MUC5B: variants seen among roughly 807,000 people sequenced by gnomAD.
MUC5B encodes the protein mucin 5B, oligomeric mucus/gel-forming.
In MUC5B, 116 loss-of-function variants were observed where a neutral mutation model predicts 376.9. The observed-to-expected ratio is 0.31, with a 90% CI of 0.26 to 0.36. The LOEUF is 0.36. Ranked by LOEUF, MUC5B falls within the 10% of genes least tolerant of loss-of-function variation. The pLI, the probability that MUC5B is intolerant of heterozygous loss-of-function variation, is 1.00. For synonymous variants in MUC5B, 3,517 were observed against 3,390.9 expected (o/e 1.04, Z -1.29); for missense variants, 7,165 against 7,769.9 (o/e 0.92, Z 2.93).
chr11:1,239,309 T>G, intron 26 of MUC5B, 129 bp from the exon 27 acceptor site: 1 of 1,285,960 alleles, frequency 7.8e-7, no homozygotes, highest in Admixed American at 2.6e-5. Flanking sequence ...GCCGAGGCCC[T>G]GCATGTCTGG....
chr11:1,255,369 G>A lies in MUC5B; in HGVS notation c.15891-14G>A, dbSNP rs751280723. On this transcript the variant is annotated splice_polypyrimidine_tract_variant and intron_variant, in intron 36 of 48. Coordinates refer to ENST00000529681, the MANE Select transcript of MUC5B (RefSeq NM_002458.3). ...GGGCTGGGGGCCCTCCGTCCTGATCGCTTTGCCCCACAGGGTCTTTGCTGA... is the reference window on the plus strand; with the variant it reads ...GGGCTGGGGGCCCTCCGTCCTGATCACTTTGCCCCACAGGGTCTTTGCTGA... 1.3e-5 allele frequency: 20 copies of A among 1,580,916 alleles called. No homozygotes were observed. Among genetic ancestry groups the A allele is most frequent in the Admixed American group, 1.7e-5 (1 of 57,288 alleles).
intron 9 of MUC5B, 54 bp downstream of exon 9, chr11:1,229,349 A>C: frequency 6.8e-7 from 1 of 1,474,284 alleles, no homozygotes; most frequent in Non-Finnish European, 9.0e-7. Flanking sequence ...CCTGCTCCCA[A>C]CCCCGCCCCC....
rs748857802 is a variant in MUC5B, at chr11:1,252,406, A to T, written c.14927A>T (p.His4976Leu). The T allele has an allele frequency of 2.5e-6, 4 of 1,610,776 alleles. No homozygotes were observed. The South Asian group carries it at 4.4e-5, about 18-fold the overall frequency. The change falls in exon 32 of 49, where the codon CAC becomes CTC. Residue 4976 changes from histidine (H) to leucine (L), a missense_variant. His to Leu is a moderately conservative substitution (Grantham distance 99). Transcript: ENST00000529681. ...GCHFYAVCNQHCDIDRFQGAC... is the reference protein window; with the variant it reads ...GCHFYAVCNQLCDIDRFQGAC... ...CATTTCTACGCAGTGTGCAATCAGC[A>T]CTGTGACATTGACCGCTTCCAGGGC...
rs778559090 is a variant in MUC5B, at chr11:1,249,118, C to T, written c.12238C>T (p.Pro4080Ser). 3 of 1,611,238 alleles carry T rather than the reference C, an allele frequency of 1.9e-6. No individual in the cohort carries two copies. Among genetic ancestry groups the T allele is most frequent in the Non-Finnish European group, 2.5e-6 (3 of 1,179,572 alleles). Residue 4080 changes from proline (P) to serine (S), a missense_variant, in exon 31 of 49, where the codon CCT (proline) becomes TCT (serine). By Grantham distance (74) the Pro-to-Ser change is moderately conservative. This residue lies in a region of MUC5B where 85 missense variants were observed against 78.2 expected (regional missense o/e 1.09). Transcript: ENST00000529681. Reference protein sequence around the residue: ...HPSSRTTESPPSPGTTTPGHT... With the variant: ...HPSSRTTESPSSPGTTTPGHT... The stretch of plus-strand genomic sequence containing the variant: ...TAGCAGCAGGACCACCGAGTCACCC[C>T]CTTCCCCAGGGACGACCACCCCGGG...
At chr11:1,227,615 C>G in intron 6 of MUC5B, 60 bp from the exon 7 acceptor site, 3 of 700,122 alleles carry the variant, frequency 4.3e-6, no homozygotes, top group Non-Finnish European at 8.0e-6. Flanking sequence ...GAAGTGGGAG[C>G]CCATATCTTG....
rs1554933965 is a variant in MUC5B at position 1,226,284 on chromosome 11, G to C, written c.199+8G>C. On this transcript the variant is annotated splice_region_variant and intron_variant, in intron 3 of 48. Coordinates refer to ENST00000529681, the MANE Select transcript of MUC5B (RefSeq NM_002458.3). ...TCTTCCCCAGCCTGAGCCGTAAGCAGATGCTGCCCCTGCCAGCCGGGAAGG... is the reference window on the plus strand; with the variant it reads ...TCTTCCCCAGCCTGAGCCGTAAGCACATGCTGCCCCTGCCAGCCGGGAAGG... 1 of 1,552,862 alleles carries C rather than the reference G, an allele frequency of 6.4e-7. No homozygotes were observed. Among genetic ancestry groups the C allele is most frequent in the South Asian group, 1.2e-5 (1 of 84,174 alleles).
In MUC5B at chr11:1,249,219, C is replaced by A. The variant is rs1294809847; in HGVS notation, c.12339C>A (p.Ser4113Arg). The part of the protein sequence containing the change: ...SKTRTSTLLP[S>R]SPTSAPITTV... Reference sequence around the variant, plus strand: ...CCCGCACCTCGACCCTGCTGCCCAGCAGCCCCACATCGGCCCCCATAACCA... The same window carrying A: ...CCCGCACCTCGACCCTGCTGCCCAGAAGCCCCACATCGGCCCCCATAACCA... The change falls in exon 31 of 49, where the codon AGC (serine) becomes AGA (arginine). Residue 4113 changes from serine (S) to arginine (R), a missense_variant. By Grantham distance (110) the Ser-to-Arg change is moderately radical. Transcript: ENST00000529681. 2.5e-6 allele frequency: 4 copies of A among 1,611,526 alleles called. No individual in the cohort carries two copies. In the Admixed American group the frequency reaches 6.7e-5, roughly 27 times the overall value.
rs757543757 is a variant in MUC5B, at chr11:1,239,034, C to T, written c.3454+7C>T. On this transcript the variant is annotated splice_region_variant and intron_variant, in intron 26 of 48. Coordinates refer to ENST00000529681, the MANE Select transcript of MUC5B (RefSeq NM_002458.3). ...CGGACTCCGGACACCTGCCGTGAGT[C>T]GGGCTCTGTCCGTGGTGCTGAAGGG... 28 of 1,571,194 alleles carry T rather than the reference C, an allele frequency of 1.8e-5. No individual in the cohort carries two copies. Among genetic ancestry groups the T allele is most frequent in the East Asian group, 1.2e-4 (5 of 42,714 alleles).
chr11:1,255,502 T>A lies in MUC5B; in HGVS notation c.16010T>A (p.Leu5337His). ...CAGAGCCTGGAGGCTTACGCAGAGC[T>A]CTGCCGCGCCCGGGGAGTGTGCAGT... ...PCQSLEAYAE[L>H]CRARGVCSDW... Residue 5337 changes from leucine to histidine, a missense_variant, in exon 37 of 49, where the codon CTC becomes CAC. Transcript: ENST00000529681. 6.4e-7 allele frequency: 1 copy of A among 1,560,930 alleles called. No homozygotes were observed. Among genetic ancestry groups the A allele is most frequent in the Non-Finnish European group, 8.7e-7 (1 of 1,153,156 alleles).
rs1278614901 is a variant in MUC5B, at chr11:1,226,217, C to T, written c.140C>T (p.Ser47Phe). ...GHTMDGGAPT[S>F]SPTRRVSFVP... is the part of the protein sequence containing the mutation. ...CCTTCACCCACAGGTGCCCCGACGT[C>T]CTCGCCCACCCGGCGCGTGAGCTTT... The change falls in exon 3 of 49, where the codon TCC becomes TTC. Residue 47 changes from serine (S) to phenylalanine (F), a missense_variant. Transcript: ENST00000529681. The T allele has an allele frequency of 4.5e-6, 7 of 1,553,024 alleles. No homozygotes were observed. The highest frequency in any genetic ancestry group is 2.4e-5 in the South Asian group (2 of 84,228).
rs1861911769 is a variant in MUC5B at position 1,227,343 on chromosome 11, T to A, written c.612T>A (p.Cys204Ter). Reference sequence around the variant, plus strand: ...ATCCCAAATACGCCAACCAGACCTGTGGCCTGTGTGGGGACTTCAACGGCC... The same window carrying A: ...ATCCCAAATACGCCAACCAGACCTGAGGCCTGTGTGGGGACTTCAACGGCC... Reference protein sequence around the residue: ...ELDPKYANQTCGLCGDFNGLP... With the variant: ...ELDPKYANQT Residue 204 changes from cysteine (C) to a stop codon, truncating the protein, a stop_gained, in exon 6 of 49, where the codon TGT (cysteine) becomes TGA (stop). Transcript: ENST00000529681. LOFTEE classifies it high-confidence loss of function. The A allele has an allele frequency of 6.2e-7, 1 of 1,612,698 alleles. No individual in the cohort carries two copies. Among genetic ancestry groups the A allele is most frequent in the Admixed American group, 1.7e-5 (1 of 59,966 alleles).
In MUC5B at chr11:1,253,581, C is replaced by T. The variant is rs571064171; in HGVS notation, c.15218-511C>T. On this transcript the variant is annotated intron_variant, in intron 33 of 48. Coordinates refer to ENST00000529681, the MANE Select transcript of MUC5B (RefSeq NM_002458.3). The surrounding 1 kb of genome is among the most constrained non-coding windows in gnomAD (Gnocchi z 4.3). ...GCTTATACAACAGAAACCCACTCTC[C>T]GTCCTGGAGCTGGAAGTCTGAGATC... Among the ~76,000 whole-genome samples, 25 of 152,298 alleles carry T rather than the reference C, an allele frequency of 1.6e-4. No homozygotes were observed. Among genetic ancestry groups the T allele is most frequent in the African/African-American group, 2.9e-4 (12 of 41,574 alleles).
In MUC5B at chr11:1,239,430, T is replaced by C. The variant is rs1481323844; in HGVS notation, c.3455-8T>C. 1 of 1,605,286 alleles carries C rather than the reference T, an allele frequency of 6.2e-7. No individual in the cohort carries two copies. The highest frequency in any genetic ancestry group is 1.3e-5 in the African/African-American group (1 of 74,848). On this transcript the variant is annotated splice_region_variant and splice_polypyrimidine_tract_variant and intron_variant, in intron 26 of 48. Transcript: ENST00000529681. ...GCGCCTCCTTAGCCTCTGCCCTCTG[T>C]GCCCCAGCCTTGTTCTGTGACTTCT...
Position 1,242,868 on chromosome 11 carries a change from A to G in MUC5B, c.5988A>G (p.Ser1996=). 3 of 1,612,050 alleles carry G rather than the reference A, an allele frequency of 1.9e-6. No homozygotes were observed. The highest frequency in any genetic ancestry group is 2.5e-6 in the Non-Finnish European group (3 of 1,179,420). ...TGGGCACCACCTGGACCCGCCTATCACAGACCACCACACCCACGGCCACCA... is the reference window on the plus strand; with the variant it reads ...TGGGCACCACCTGGACCCGCCTATCGCAGACCACCACACCCACGGCCACCA... The part of the protein sequence containing the change: ...SSLGTTWTRL[S]QTTTPTATMS... Residue 1996 remains serine (S), a synonymous_variant, in exon 31 of 49, where the codon TCA becomes TCG. Coordinates refer to ENST00000529681, the MANE Select transcript of MUC5B (RefSeq NM_002458.3).
In MUC5B at chr11:1,242,923, G is replaced by C. The variant is rs759219300; in HGVS notation, c.6043G>C (p.Glu2015Gln). The change falls in exon 31 of 49, where the codon GAG becomes CAG. Residue 2015 changes from glutamate to glutamine, a missense_variant. Glu to Gln is a conservative substitution (Grantham distance 29). This residue lies in a region of MUC5B where 897 missense variants were observed against 779.6 expected (regional missense o/e 1.15). Coordinates refer to ENST00000529681, the MANE Select transcript of MUC5B (RefSeq NM_002458.3). ...CACAGCCACACCCTCCTCCACTCCA[G>C]AGACTGCCCACACCTCCACAGTGCT... ...MSTATPSSTP[E>Q]TAHTSTVLTA... The C allele has an allele frequency of 1.2e-6, 2 of 1,612,444 alleles. No homozygotes were observed. Among genetic ancestry groups the C allele is most frequent in the Non-Finnish European group, 8.5e-7 (1 of 1,179,214 alleles).
At chr11:1,256,571 T>A (rs1179068066) in intron 38 of MUC5B, 100 bp from the exon 39 acceptor site, 1 of 586,072 alleles carries the variant, frequency 1.7e-6, no homozygotes, top group Non-Finnish European at 2.9e-6. Context: ...CCCATTCATC[T>A]CCTTCCCTGC....
chr11:1,235,082 C>T lies in MUC5B; in HGVS notation c.2631-3C>T, dbSNP rs1487679755. ...GAGCAGGCACCATTGTGGCCCCTTG[C>T]AGCACCTGCAGGAACCGGAGGTGGG... On this transcript the variant is annotated splice_region_variant and splice_polypyrimidine_tract_variant and intron_variant, in intron 21 of 48. Transcript: ENST00000529681. The T allele has an allele frequency of 1.1e-5, 18 of 1,608,198 alleles. No homozygotes were observed. The highest frequency in any genetic ancestry group is 1.5e-5 in the Non-Finnish European group (18 of 1,177,428).
intron 4 of MUC5B, 68 bp from the exon 5 acceptor site, chr11:1,226,963 G>T (rs1861900142): frequency 4.7e-6 from 7 of 1,497,448 alleles, no homozygotes; most frequent in Non-Finnish European, 4.5e-6. Context: ...GGCCAGGGCT[G>T]GGGGGGGGTT....
intron 25 of MUC5B, 26 bp from the exon 26 acceptor site, chr11:1,238,845 G>A (rs1451489452): frequency 6.5e-7 from 1 of 1,543,592 alleles, no homozygotes; most frequent in Admixed American, 2.0e-5. Flanking sequence ...TGTCCCGGCT[G>A]AGCTGCACCT....
Sources: gnomAD v4.1 joint callset for allele counts (sites outside exome capture counted in the v4.1 genomes callset) on GRCh38, gnomAD v4.1.1 for gene constraint, gnomAD v4.1.1 regional missense constraint, Gnocchi (gnomAD v3.1) non-coding constraint, MANE v1.5 for transcripts, NCBI Gene and HGNC (gene_info 2026-07-23, HGNC 2026-07-21) for gene names.